Variants in PKHD1 observed in about 807,000 individuals in gnomAD.
PKHD1 encodes fibrocystin.
In PKHD1, 291 loss-of-function variants were observed where a neutral mutation model predicts 412.0. The ratio of observed to expected loss-of-function variants is 0.71; its 90% confidence interval spans 0.64 to 0.78. PKHD1 has a LOEUF of 0.78. PKHD1 is among the 30% of genes least tolerant of loss of function. The pLI, the probability that PKHD1 is intolerant of heterozygous loss-of-function variation, is 0.00. For synonymous variants in PKHD1, 1,777 were observed against 1,821.5 expected (o/e 0.98, Z 0.62); for missense variants, 4,825 against 4,950.7 (o/e 0.97, Z 0.76).
intron 35 of PKHD1, among the ~76,000 whole-genome samples, chr6:51,987,632 G>A (rs1017720230): frequency 4.6e-5 from 7 of 151,840 alleles, no homozygotes; most frequent in African/African-American, 1.7e-4. Context: ...GGAAAATATA[G>A]CCTCAGAAAC....
At chr6:51,831,122 C>T in intron 51 of PKHD1, 133 bp from the exon 52 acceptor site, 1 of 690,984 alleles carries the variant, frequency 1.4e-6, no homozygotes, top group South Asian at 1.7e-5. Flanking sequence ...AGTTTCTGTA[C>T]AAATATTTAT....
chr6:51,889,790 A>G (rs1184799239), intron 43 of PKHD1, among the ~76,000 whole-genome samples: 1 of 152,138 alleles, frequency 6.6e-6, no homozygotes, highest in East Asian at 1.9e-4. Flanking sequence ...CGTTCCTAGG[A>G]GACATTCAAA....
intron 56 of PKHD1, among the ~76,000 whole-genome samples, chr6:51,754,226 T>C (rs1786581529): frequency 6.6e-6 from 1 of 152,194 alleles, no homozygotes; most frequent in African/African-American, 2.4e-5. Flanking sequence ...CTGTGTATTG[T>C]GTATAAAAAT....
chr6:51,836,899 C>A (rs1324970212), intron 50 of PKHD1, among the ~76,000 whole-genome samples: 4 of 152,150 alleles, frequency 2.6e-5, no homozygotes, highest in African/African-American at 4.8e-5. Flanking sequence ...TTTATCCAAA[C>A]AAATTGTCCT....
At chr6:51,970,656 T>A (rs941807170) in intron 35 of PKHD1, among the ~76,000 whole-genome samples, 5 of 152,206 alleles carry the variant, frequency 3.3e-5, no homozygotes, top group East Asian at 3.9e-4. Context: ...TCCAGTTTCA[T>A]GTGCCTGCAT....
At chr6:51,688,878 G>T (rs1185155443) in intron 60 of PKHD1, among the ~76,000 whole-genome samples, 1 of 152,038 alleles carries the variant, frequency 6.6e-6, no homozygotes, top group Admixed American at 6.6e-5. Context: ...ACCAAAAAAA[G>T]CCCAGGACCA....
At chr6:51,702,079 A>C (rs549397110) in intron 60 of PKHD1, among the ~76,000 whole-genome samples, 59 of 146,460 alleles carry the variant, frequency 4.0e-4, no homozygotes, top group African/African-American at 1.4e-3. Flanking sequence ...ATAGCAGCAC[A>C]ATTCACAATT....
intron 35 of PKHD1, among the ~76,000 whole-genome samples, chr6:51,967,655 T>TGC (rs1793021246): frequency 2.8e-5 from 1 of 35,258 alleles, no homozygotes; most frequent in African/African-American, 5.7e-5. Flanking sequence ...TGTGTGTGTA[T>TGC]GTGTGTGTGT....
intron 6 of PKHD1, among the ~76,000 whole-genome samples, chr6:52,075,988 G>T (rs542764856): frequency 6.6e-6 from 1 of 152,142 alleles, no homozygotes; most frequent in Non-Finnish European, 1.5e-5. Flanking sequence ...TAAAAGCAAG[G>T]ATGACTCCTC....
intron 60 of PKHD1, among the ~76,000 whole-genome samples, chr6:51,687,122 T>C (rs1232063829): frequency 6.6e-6 from 1 of 152,128 alleles, no homozygotes; most frequent in East Asian, 1.9e-4. Flanking sequence ...AAATGGATAA[T>C]ACTATTTCTA....
At chr6:51,928,757 T>C (rs1341642807) in intron 37 of PKHD1, among the ~76,000 whole-genome samples, 2 of 151,720 alleles carry the variant, frequency 1.3e-5, no homozygotes, top group African/African-American at 4.8e-5. Flanking sequence ...CAATAAGGAG[T>C]AGGAGAGAGT....
chr6:51,697,197 A>G (rs1363439262), intron 60 of PKHD1, among the ~76,000 whole-genome samples: 1 of 152,082 alleles, frequency 6.6e-6, no homozygotes, highest in East Asian at 1.9e-4. Flanking sequence ...TAAATAAATA[A>G]ATAAATAAAT....
intron 59 of PKHD1, 54 bp from the exon 60 acceptor site, chr6:51,744,596 A>G: frequency 7.3e-7 from 1 of 1,364,684 alleles, no homozygotes. Context: ...CAGCAAGAAG[A>G]AAATATACAT....
intron 48 of PKHD1, among the ~76,000 whole-genome samples, chr6:51,866,546 C>T (rs1775090097): frequency 6.6e-6 from 1 of 152,120 alleles, no homozygotes; most frequent in Non-Finnish European, 1.5e-5. Flanking sequence ...CTTCTAACAT[C>T]ACATTGACAA....
At chr6:51,923,518 GA>G (rs200800178) in intron 37 of PKHD1, among the ~76,000 whole-genome samples, 10,986 of 136,820 alleles carry the variant, frequency 0.08, 573 homozygotes, top group Non-Finnish European at 0.13. Context: ...TGAAAAAAAA[GA>G]AAAAAAAAAA....
At chr6:51,817,410 C>T (rs951562510) in intron 52 of PKHD1, among the ~76,000 whole-genome samples, 3 of 152,078 alleles carry the variant, frequency 2.0e-5, no homozygotes, top group African/African-American at 4.8e-5. Flanking sequence ...GCTGTAGACA[C>T]CCATCCCCCT....
chr6:51,951,478 A>G (rs1790357351), intron 36 of PKHD1, among the ~76,000 whole-genome samples: 1 of 152,186 alleles, frequency 6.6e-6, no homozygotes, highest in African/African-American at 2.4e-5. Context: ...CCAGCCTGCA[A>G]TTTGATACAC....
At chr6:51,881,075 C>T (rs372072390) in intron 46 of PKHD1, among the ~76,000 whole-genome samples, 8 of 134,028 alleles carry the variant, frequency 6.0e-5, no homozygotes, top group Admixed American at 1.5e-4. Flanking sequence ...CTTTTTCTTT[C>T]TTTTTTTTTT....
At chr6:52,000,082 G>A (rs1183372435) in intron 35 of PKHD1, among the ~76,000 whole-genome samples, 4 of 152,154 alleles carry the variant, frequency 2.6e-5, no homozygotes, top group East Asian at 1.9e-4. Context: ...AGCTTTTCTC[G>A]CACATGAAGA....
Sources: gnomAD v4.1 joint callset for allele counts (sites outside exome capture counted in the v4.1 genomes callset) on GRCh38, gnomAD v4.1.1 for gene constraint, MANE v1.5 for transcripts, NCBI Gene and HGNC (gene_info 2026-07-23, HGNC 2026-07-21) for gene names.